PLCB1: variants seen among roughly 807,000 people sequenced by gnomAD.
PLCB1 encodes the protein 1-phosphatidylinositol 4,5-bisphosphate phosphodiesterase beta-1.
PLCB1 carries 46 observed loss-of-function variants against 161.8 expected under a neutral mutation model. The observed-to-expected ratio is 0.28, with a 90% CI of 0.22 to 0.36. PLCB1 has a LOEUF of 0.36. PLCB1 is among the 10% of genes least tolerant of loss of function. PLCB1 has a pLI of 1.00. For synonymous variants in PLCB1, 517 were observed against 503.7 expected (o/e 1.03, Z -0.35); for missense variants, 1,016 against 1,472.5 (o/e 0.69, Z 5.07).
chr20:8,417,300 T>A (rs1037446432), intron 3 of PLCB1, among the ~76,000 whole-genome samples: 1 of 151,014 alleles, frequency 6.6e-6, no homozygotes, highest in Non-Finnish European at 1.5e-5. Context: ...GATACACTTA[T>A]ATATTTTTTG....
At chr20:8,502,253 A>G (rs1216483120) in intron 3 of PLCB1, among the ~76,000 whole-genome samples, 3 of 152,126 alleles carry the variant, frequency 2.0e-5, no homozygotes, top group East Asian at 1.9e-4. Flanking sequence ...GTGTGCTAGG[A>G]AGAAAAAACA....
At chr20:8,228,201 A>C (rs1185601467) in intron 2 of PLCB1, among the ~76,000 whole-genome samples, 1 of 151,896 alleles carries the variant, frequency 6.6e-6, no homozygotes, top group Non-Finnish European at 1.5e-5. Context: ...TAAAATAATA[A>C]AATAAAGATG....
intron 3 of PLCB1, among the ~76,000 whole-genome samples, chr20:8,532,672 C>T (rs993634415): frequency 2.6e-5 from 4 of 151,932 alleles, no homozygotes; most frequent in African/African-American, 9.7e-5. Flanking sequence ...AAGATAATCC[C>T]GGTTACACTT....
intron 27 of PLCB1, among the ~76,000 whole-genome samples, chr20:8,777,552 C>G (rs1317141361): frequency 6.6e-6 from 1 of 151,932 alleles, no homozygotes; most frequent in East Asian, 1.9e-4. Flanking sequence ...AACCCTGTCT[C>G]TACTAAAAAT....
chr20:8,375,369 C>T (rs1403401557), intron 3 of PLCB1, among the ~76,000 whole-genome samples: 11 of 152,128 alleles, frequency 7.2e-5, no homozygotes, highest in African/African-American at 2.4e-4. Context: ...TTTATCACTG[C>T]GGCCTCTGAT....
chr20:8,548,338 T>C (rs1226521827), intron 3 of PLCB1, among the ~76,000 whole-genome samples: 2 of 105,582 alleles, frequency 1.9e-5, no homozygotes, highest in Non-Finnish European at 4.1e-5. Context: ...TCTTTCTCTT[T>C]GTTTCTTTCT....
At chr20:8,773,145 C>G (rs942613583) in intron 26 of PLCB1, among the ~76,000 whole-genome samples, 2 of 152,168 alleles carry the variant, frequency 1.3e-5, no homozygotes, top group Non-Finnish European at 2.9e-5. Flanking sequence ...AACTCCCTTC[C>G]CCATGTGATG....
intron 3 of PLCB1, among the ~76,000 whole-genome samples, chr20:8,512,905 A>G (rs1176916792): frequency 6.6e-6 from 1 of 152,116 alleles, no homozygotes; most frequent in Non-Finnish European, 1.5e-5. Context: ...CCTCTTGTCT[A>G]ATGGAAACTT....
intron 31 of PLCB1, among the ~76,000 whole-genome samples, chr20:8,861,469 C>A (rs907036763): frequency 6.6e-6 from 1 of 152,060 alleles, no homozygotes; most frequent in African/African-American, 2.4e-5. Flanking sequence ...GAGAGGCTCA[C>A]GCCTGTAATC....
intron 3 of PLCB1, among the ~76,000 whole-genome samples, chr20:8,539,649 T>TTTCTTTCC (rs1555768752): frequency 7.8e-5 from 7 of 89,792 alleles, no homozygotes; most frequent in African/African-American, 2.7e-4. Context: ...TCTTTCTTTC[T>TTTCTTTCC]TTCTTTCTTT....
chr20:8,667,127 T>C (rs891067394), intron 9 of PLCB1, among the ~76,000 whole-genome samples: 2 of 152,066 alleles, frequency 1.3e-5, no homozygotes, highest in Non-Finnish European at 2.9e-5. Flanking sequence ...ACAAATAAGA[T>C]CAATTTTCTC....
intron 2 of PLCB1, among the ~76,000 whole-genome samples, chr20:8,300,378 G>A (rs1983845633): frequency 3.3e-5 from 5 of 152,170 alleles, no homozygotes; most frequent in South Asian, 2.1e-4. Flanking sequence ...TAATAAGGAC[G>A]GGGATATAGA....
chr20:8,375,504 C>A (rs776644978), intron 3 of PLCB1, among the ~76,000 whole-genome samples: 7 of 151,962 alleles, frequency 4.6e-5, no homozygotes, highest in Non-Finnish European at 1.0e-4. Flanking sequence ...TTTTTTGAAA[C>A]TTTTTTCATG....
At chr20:8,475,297 C>T (rs1185319058) in intron 3 of PLCB1, among the ~76,000 whole-genome samples, 1 of 151,968 alleles carries the variant, frequency 6.6e-6, no homozygotes, top group Non-Finnish European at 1.5e-5. Context: ...TCAGGAGATA[C>T]CCTGGCAGCC....
At chr20:8,799,044 C>T (rs1984165577) in intron 31 of PLCB1, among the ~76,000 whole-genome samples, 1 of 152,158 alleles carries the variant, frequency 6.6e-6, no homozygotes, top group Non-Finnish European at 1.5e-5. Flanking sequence ...CTATTGGCCC[C>T]ATAAGGTAAC....
intron 3 of PLCB1, among the ~76,000 whole-genome samples, chr20:8,479,559 C>A (rs1600097411): frequency 6.6e-6 from 1 of 152,326 alleles, no homozygotes; most frequent in Non-Finnish European, 1.5e-5. Context: ...CCGCAGGCTC[C>A]TTTACAACTT....
intron 3 of PLCB1, among the ~76,000 whole-genome samples, chr20:8,573,444 C>T (rs1883503): frequency 0.57 from 86,350 of 152,014 alleles, 25,078 homozygotes; most frequent in African/African-American, 0.65. Context: ...TGTTTGGCAG[C>T]AATTATTTTC....
At chr20:8,376,878 A>C (rs1388502276) in intron 3 of PLCB1, among the ~76,000 whole-genome samples, 1 of 152,042 alleles carries the variant, frequency 6.6e-6, no homozygotes, top group Non-Finnish European at 1.5e-5. Context: ...CAGTGAGCCA[A>C]GATCACACCA....
chr20:8,595,079 AAT>A (rs1263866208), intron 3 of PLCB1, among the ~76,000 whole-genome samples: 5 of 152,216 alleles, frequency 3.3e-5, no homozygotes, highest in African/African-American at 1.2e-4. Context: ...AAAGGCAATT[AAT>A]ATGTCTATAC....
Sources: gnomAD v4.1 joint callset for allele counts (sites outside exome capture counted in the v4.1 genomes callset) on GRCh38, gnomAD v4.1.1 for gene constraint, MANE v1.5 for transcripts, NCBI Gene and HGNC (gene_info 2026-07-23, HGNC 2026-07-21) for gene names.